THSD4: variants seen among roughly 807,000 people sequenced by gnomAD.
THSD4 encodes thrombospondin type-1 domain-containing protein 4.
A neutral mutation model predicts 119.0 loss-of-function variants in THSD4; 69 were observed. The observed-to-expected ratio is 0.58, with a 90% confidence interval of 0.48 to 0.71. The LOEUF (loss-of-function observed/expected upper bound fraction) is 0.71. THSD4 is among the 30% of genes least tolerant of loss of function. The probability of loss-of-function intolerance (pLI) is 0.00; values close to 1 mark genes in which losing one functional copy is unlikely to be tolerated. For synonymous variants in THSD4, 524 were observed against 540.4 expected, an observed-to-expected ratio of 0.97 and a Z score of 0.42; for missense variants, 1,393 against 1,391.1, an observed-to-expected ratio of 1.00 and a Z score of -0.02.
At chr15:71,286,758 C>T (rs2044722883) in intron 6 of THSD4, among the ~76,000 whole-genome samples, 1 of 152,298 alleles carries the variant, frequency 6.6e-6, no homozygotes, top group South Asian at 2.1e-4. Context: ...AACTAATTTA[C>T]ACTCCCACCA....
chr15:71,580,964 A>G (rs913845570), intron 7 of THSD4, among the ~76,000 whole-genome samples: 12 of 152,244 alleles, frequency 7.9e-5, no homozygotes, highest in East Asian at 1.9e-4. Context: ...TCATCCATCA[A>G]TGGACACTTA....
At chr15:71,654,196 C>T (rs1397774769) in intron 7 of THSD4, among the ~76,000 whole-genome samples, 1 of 152,164 alleles carries the variant, frequency 6.6e-6, no homozygotes, top group Non-Finnish European at 1.5e-5. Context: ...CTACTAGCTA[C>T]AGTTTGCTGA....
intron 7 of THSD4, among the ~76,000 whole-genome samples, chr15:71,647,018 C>A (rs1022167190): frequency 2.6e-5 from 4 of 152,178 alleles, no homozygotes; most frequent in Admixed American, 2.6e-4. Flanking sequence ...GTATAGATTA[C>A]CTGAAACCAC....
chr15:71,155,530 AG>A (rs1431683598), intron 3 of THSD4, among the ~76,000 whole-genome samples: 1 of 152,198 alleles, frequency 6.6e-6, no homozygotes, highest in Non-Finnish European at 1.5e-5. Context: ...CTCTGATCTG[AG>A]AGCAGTGCCA....
chr15:71,371,995 T>G (rs1216810572), intron 6 of THSD4, among the ~76,000 whole-genome samples: 1 of 152,228 alleles, frequency 6.6e-6, no homozygotes, highest in African/African-American at 2.4e-5. Flanking sequence ...CTCTTTTTTC[T>G]CTAAACTTCT....
intron 7 of THSD4, among the ~76,000 whole-genome samples, chr15:71,459,630 A>C (rs984251158): frequency 6.6e-6 from 1 of 152,246 alleles, no homozygotes; most frequent in Admixed American, 6.5e-5. Context: ...AAAATACAAA[A>C]AGAAACACAT....
At chr15:71,379,450 C>CGTTTTTTTTTTTTTTTTTTT (rs1566962165) in intron 6 of THSD4, among the ~76,000 whole-genome samples, 1 of 77,562 alleles carries the variant, frequency 1.3e-5, no homozygotes, top group Non-Finnish European at 2.4e-5. Context: ...CAAATGGCTT[C>CGTTTTTTTTTTTTTTTTTTT]TTTTTTTTTT....
chr15:71,201,794 AG>A (rs554276301), intron 3 of THSD4, among the ~76,000 whole-genome samples: 63 of 152,246 alleles, frequency 4.1e-4, no homozygotes, highest in African/African-American at 1.4e-3. Flanking sequence ...GAAGCCTAGG[AG>A]GGCTGCTGAG....
intron 3 of THSD4, among the ~76,000 whole-genome samples, chr15:71,210,450 G>A (rs2043879806): frequency 6.6e-6 from 1 of 152,162 alleles, no homozygotes; most frequent in African/African-American, 2.4e-5. Context: ...AGGGCAACTG[G>A]CTAGTATAGG....
chr15:71,773,231 AAAG>A (rs1221937354), intron 17 of THSD4, among the ~76,000 whole-genome samples: 1 of 151,456 alleles, frequency 6.6e-6, no homozygotes, highest in African/African-American at 2.4e-5. Flanking sequence ...AGAAAAAAGA[AAAG>A]AAAAAAAAGT....
intron 4 of THSD4, among the ~76,000 whole-genome samples, chr15:71,228,424 T>G (rs2044035404): frequency 6.6e-6 from 1 of 152,104 alleles, no homozygotes; most frequent in African/African-American, 2.4e-5. Flanking sequence ...TGATGCTGAT[T>G]TTAAATTTCT....
chr15:71,244,123 C>T (rs2044178940), intron 5 of THSD4, among the ~76,000 whole-genome samples: 6 of 152,132 alleles, frequency 3.9e-5, no homozygotes, highest in Admixed American at 3.9e-4. Flanking sequence ...ATTTCATCTC[C>T]TTAACCATGA....
rs67271025 is a variant in THSD4 at position 71,591,005 on chromosome 15, CAAAAAAAAAAAAA to C, written c.1153-69505_1153-69493del. 2.3e-4 allele frequency among the ~76,000 whole-genome samples: 13 copies of C among 57,508 alleles called. No homozygotes were observed. The East Asian group carries it at 4.1e-3, about 18-fold the overall frequency. 37.7% of individuals were successfully genotyped at this position (57,508 alleles called of 152,430 possible). On this transcript the variant is annotated intron_variant, in intron 7 of 17. Coordinates refer to ENST00000261862, the MANE Select transcript of THSD4 (RefSeq NM_024817.3). ...TGGGCGACAGAGCAAGACTCCATCT[CAAAAAAAAAAAAA>C]AAAAAAAAAAAAAAAAAAAGTTGAA...
chr15:71,578,269 G>T (rs184910402), intron 7 of THSD4, among the ~76,000 whole-genome samples: 2 of 151,566 alleles, frequency 1.3e-5, no homozygotes, highest in East Asian at 1.9e-4. Flanking sequence ...GACTCCAGGT[G>T]GTTATCTTGG....
intron 6 of THSD4, among the ~76,000 whole-genome samples, chr15:71,405,165 A>G (rs1269562255): frequency 6.6e-6 from 1 of 152,252 alleles, no homozygotes; most frequent in Non-Finnish European, 1.5e-5. Context: ...CTGGAATTAC[A>G]GGCGTGAGCC....
chr15:71,492,740 T>C (rs2047940937), intron 7 of THSD4, among the ~76,000 whole-genome samples: 1 of 149,330 alleles, frequency 6.7e-6, no homozygotes, highest in Admixed American at 6.6e-5. Context: ...TAGCCCAGGG[T>C]CTTTTTCAAA....
chr15:71,525,652 C>T (rs555271484), intron 7 of THSD4, among the ~76,000 whole-genome samples: 2 of 152,298 alleles, frequency 1.3e-5, no homozygotes, highest in South Asian at 4.1e-4. Flanking sequence ...TGTTATGGTC[C>T]ATGGACAGAA....
chr15:71,585,206 G>A lies in THSD4; in HGVS notation c.1153-75324G>A, dbSNP rs139810561. ...TTTATACTTTAAAAGTTTTCATATT[G>A]CTAATTCGTGTCTTTTTGTTTCAAC... On this transcript the variant is annotated intron_variant, in intron 7 of 17. Coordinates refer to ENST00000261862, the MANE Select transcript of THSD4 (RefSeq NM_024817.3). Among the ~76,000 whole-genome samples the A allele has an allele frequency of 2.6e-3, 400 of 152,116 alleles. 2 individuals carry two copies. Among genetic ancestry groups the A allele is most frequent in the African/African-American group, 9.4e-3 (388 of 41,488 alleles).
chr15:71,139,586 A>T (rs1481755077), intron 1 of THSD4, among the ~76,000 whole-genome samples: 1 of 152,218 alleles, frequency 6.6e-6, no homozygotes. Flanking sequence ...TGAGTTGCTG[A>T]TGGCTAATTA....
Sources: allele counts gnomAD v4.1 joint callset (sites outside exome capture counted in the v4.1 genomes callset), GRCh38; gene constraint gnomAD v4.1.1; transcripts MANE v1.5; gene names NCBI Gene and HGNC (gene_info 2026-07-23, HGNC 2026-07-21).